GSG1L: variants seen among roughly 807,000 people sequenced by gnomAD.
GSG1L encodes GSG1 like.
In GSG1L, 24 loss-of-function variants were observed where a neutral mutation model predicts 42.1. That is an observed-to-expected ratio of 0.57 (90% confidence interval 0.41 to 0.80). The LOEUF is 0.80. GSG1L is among the 30% of genes least tolerant of loss of function. GSG1L has a pLI of 0.00. For synonymous variants in GSG1L, 215 were observed against 203.5 expected, an observed-to-expected ratio of 1.06 and a Z score of -0.48; for missense variants, 445 against 472.2, an observed-to-expected ratio of 0.94 and a Z score of 0.53.
chr16:27,899,204 G>C (rs1017682766), intron 2 of GSG1L, among the ~76,000 whole-genome samples: 2 of 152,242 alleles, frequency 1.3e-5, no homozygotes, highest in Non-Finnish European at 1.5e-5. Flanking sequence ...GGACTGCTCA[G>C]TCTGGAACAT....
chr16:27,832,845 C>T (rs2083287395), intron 4 of GSG1L, among the ~76,000 whole-genome samples: 1 of 152,180 alleles, frequency 6.6e-6, no homozygotes, highest in South Asian at 2.1e-4. Flanking sequence ...TTTTAGAGGT[C>T]TTTGTATATC....
intron 2 of GSG1L, among the ~76,000 whole-genome samples, chr16:27,906,367 T>C (rs2084321374): frequency 6.6e-6 from 1 of 152,136 alleles, no homozygotes; most frequent in Non-Finnish European, 1.5e-5. Flanking sequence ...AACTTCTCAC[T>C]CAGAAGCCAT....
At chr16:28,047,641 AGG>A (rs569250367) in intron 1 of GSG1L, among the ~76,000 whole-genome samples, 206 of 152,338 alleles carry the variant, frequency 1.4e-3, no homozygotes, top group African/African-American at 4.6e-3. Context: ...GAAAGAAAGC[AGG>A]GATAGCAATA....
chr16:28,015,291 G>A (rs1046760920), intron 1 of GSG1L, among the ~76,000 whole-genome samples: 6 of 152,146 alleles, frequency 3.9e-5, no homozygotes, highest in African/African-American at 7.2e-5. Context: ...ATCGCTTGAC[G>A]CCAGGAGTTT....
At chr16:28,032,647 TAA>T (rs2085978964) in intron 1 of GSG1L, among the ~76,000 whole-genome samples, 1 of 152,116 alleles carries the variant, frequency 6.6e-6, no homozygotes, top group Admixed American at 6.6e-5. Flanking sequence ...TCCTTCCCAC[TAA>T]ATAAACAAAC....
At chr16:27,932,471 G>A (rs2084667539) in intron 2 of GSG1L, among the ~76,000 whole-genome samples, 1 of 152,124 alleles carries the variant, frequency 6.6e-6, no homozygotes, top group South Asian at 2.1e-4. Flanking sequence ...AGGCAAAGGG[G>A]AAATCAGCAA....
At chr16:28,037,049 CAG>C (rs1349793797) in intron 1 of GSG1L, among the ~76,000 whole-genome samples, 1 of 152,162 alleles carries the variant, frequency 6.6e-6, no homozygotes, top group African/African-American at 2.4e-5. Flanking sequence ...TTTTTTGAGA[CAG>C]AGTCTTGCCC....
At chr16:28,044,244 G>A (rs1296233103) in intron 1 of GSG1L, among the ~76,000 whole-genome samples, 1 of 152,102 alleles carries the variant, frequency 6.6e-6, no homozygotes, top group Non-Finnish European at 1.5e-5. Context: ...AGGCATGGTG[G>A]CACACGCCTG....
intron 5 of GSG1L, among the ~76,000 whole-genome samples, chr16:27,813,699 G>A (rs548679272): frequency 8.5e-5 from 13 of 152,238 alleles, no homozygotes; most frequent in African/African-American, 1.4e-4. Context: ...GGTCTTGGCC[G>A]CCCTCTGGGC....
In GSG1L at chr16:27,949,252, A is replaced by G. The variant is rs144688009; in HGVS notation, c.397+13904T>C. Among the ~76,000 whole-genome samples the G allele has an allele frequency of 8.7e-4, 132 of 152,242 alleles. No homozygotes were observed. In the East Asian group the frequency reaches 0.023, roughly 26 times the overall value. On this transcript the variant is annotated intron_variant, in intron 2 of 6. Transcript: ENST00000447459. ...TTATTATTAATTTGAAAGCATCTTGAAAAAATAAACTGGCATACTAAAACT... is the reference window on the plus strand; with the variant it reads ...TTATTATTAATTTGAAAGCATCTTGGAAAAATAAACTGGCATACTAAAACT...
At chr16:27,905,685 G>T (rs747817390) in intron 2 of GSG1L, among the ~76,000 whole-genome samples, 45 of 152,110 alleles carry the variant, frequency 3.0e-4, no homozygotes, top group Non-Finnish European at 5.3e-4. Flanking sequence ...GTACATGAAG[G>T]GTCTATCCTA....
chr16:28,027,558 A>C (rs546133570), intron 1 of GSG1L, among the ~76,000 whole-genome samples: 1 of 152,276 alleles, frequency 6.6e-6, no homozygotes, highest in South Asian at 2.1e-4. Flanking sequence ...ACAAATGAGG[A>C]ACTGAATTTT....
At chr16:27,840,042 T>G (rs2083363045) in intron 4 of GSG1L, among the ~76,000 whole-genome samples, 1 of 151,288 alleles carries the variant, frequency 6.6e-6, no homozygotes, top group African/African-American at 2.4e-5. Context: ...CTTTTTTTTT[T>G]TTTTTTTTTT....
At chr16:27,823,642 C>G (rs143468974) in intron 5 of GSG1L, among the ~76,000 whole-genome samples, 34 of 152,260 alleles carry the variant, frequency 2.2e-4, no homozygotes, top group Non-Finnish European at 3.8e-4. Flanking sequence ...TGAGCTCTGT[C>G]CCACAGAATG....
At chr16:27,980,901 C>CAAAAAAAAAAAAAAAAAAAAAAA (rs11390148) in intron 1 of GSG1L, among the ~76,000 whole-genome samples, 3 of 127,036 alleles carry the variant, frequency 2.4e-5, no homozygotes, top group Non-Finnish European at 3.3e-5. Flanking sequence ...AACCAAAAAA[C>CAAAAAAAAAAAAAAAAAAAAAAA]AAAAAAAAAA....
chr16:27,821,756 T>G (rs895081157), intron 5 of GSG1L, among the ~76,000 whole-genome samples: 16 of 151,380 alleles, frequency 1.1e-4, no homozygotes, highest in African/African-American at 3.6e-4. Context: ...CAAAAAAAAT[T>G]AGCTGTGCGT....
chr16:28,047,444 G>A (rs2086174573), intron 1 of GSG1L, among the ~76,000 whole-genome samples: 2 of 151,876 alleles, frequency 1.3e-5, no homozygotes, highest in Admixed American at 1.3e-4. Context: ...AAAGAAAGAA[G>A]TGAAAGAAGT....
intron 2 of GSG1L, among the ~76,000 whole-genome samples, chr16:27,948,658 G>A (rs1027109203): frequency 1.4e-5 from 2 of 145,758 alleles, no homozygotes; most frequent in Admixed American, 1.4e-4. Flanking sequence ...TGCCCAGGCT[G>A]GAGTGCAATG....
Position 27,888,466 on chromosome 16 carries a change from C to CTTTCTT in GSG1L, c.398-3829_398-3828insAAGAAA, listed in dbSNP as rs1567505760. On this transcript the variant is annotated intron_variant, in intron 2 of 6. Transcript: ENST00000447459. ...TTTCTTTCTTTCTTTCTTTCTTTCT[C>CTTTCTT]TCTCTCTCTCTCTTTCCTTTCTTTC... 3.0e-4 allele frequency among the ~76,000 whole-genome samples: 11 copies of CTTTCTT among 36,558 alleles called. 2 individuals carry two copies. The highest frequency in any genetic ancestry group is 9.8e-4 in the African/African-American group (11 of 11,198). The allele number at this position is 36,558 out of a possible 152,430, so 24.0% of individuals were successfully genotyped here.
Sources: gnomAD v4.1 joint callset for allele counts (sites outside exome capture counted in the v4.1 genomes callset) on GRCh38, gnomAD v4.1.1 for gene constraint, MANE v1.5 for transcripts, NCBI Gene and HGNC (gene_info 2026-07-23, HGNC 2026-07-21) for gene names.